The following RAB10 variants were observed in gnomAD, a reference collection of about 807,000 sequenced individuals.
RAB10 encodes RAB10, member RAS oncogene family, also known as ras-related protein Rab-10.
Under a neutral mutation model 25.7 loss-of-function variants are expected in RAB10, and 5 were observed. That is an observed-to-expected ratio of 0.19 (90% CI 0.10 to 0.41). RAB10 has a LOEUF of 0.41. Among genes scored for constraint, RAB10 ranks in the 10% least tolerant of loss-of-function variants. RAB10 has a pLI of 1.00. For missense variants in RAB10, 103 were observed against 245.8 expected, an observed-to-expected ratio of 0.42 and a Z score of 3.89; for synonymous variants, 89 against 86.4, an observed-to-expected ratio of 1.03 and a Z score of -0.16.
intron 1 of RAB10, among the ~76,000 whole-genome samples, chr2:26,055,903 CT>C (rs35228750): frequency 6.1e-5 from 9 of 148,204 alleles, no homozygotes; most frequent in Non-Finnish European, 3.0e-5. Flanking sequence ...ACTTTTTTTT[CT>C]TTTTTTTTTG....
chr2:26,054,343 C>T (rs927439483), intron 1 of RAB10, among the ~76,000 whole-genome samples: 11 of 151,994 alleles, frequency 7.2e-5, no homozygotes, highest in Non-Finnish European at 1.3e-4. Context: ...CTTGAGCCAC[C>T]GCGCCCGGCC....
At chr2:26,118,576 A>G (rs911245358) in intron 3 of RAB10, among the ~76,000 whole-genome samples, 4 of 152,176 alleles carry the variant, frequency 2.6e-5, no homozygotes, top group African/African-American at 7.2e-5. Flanking sequence ...ACATCCTTTT[A>G]AAGTATTTGT....
intron 1 of RAB10, among the ~76,000 whole-genome samples, chr2:26,043,404 C>T (rs1665932598): frequency 6.6e-6 from 1 of 152,120 alleles, no homozygotes; most frequent in Non-Finnish European, 1.5e-5. Flanking sequence ...GCCTGGATGA[C>T]AGAGCAAGAC....
At chr2:26,053,892 G>A (rs2149264939) in intron 1 of RAB10, among the ~76,000 whole-genome samples, 1 of 149,948 alleles carries the variant, frequency 6.7e-6, no homozygotes, top group South Asian at 2.1e-4. Context: ...GCTAATTTTT[G>A]TATTTTTAGT....
intron 1 of RAB10, among the ~76,000 whole-genome samples, chr2:26,055,908 T>TC (rs1666253473): frequency 6.6e-6 from 1 of 151,930 alleles, no homozygotes; most frequent in African/African-American, 2.4e-5. Context: ...TTTTTCTTTT[T>TC]TTTTTGAGAC....
chr2:26,046,734 A>C (rs1012054149), intron 1 of RAB10, among the ~76,000 whole-genome samples: 1 of 152,152 alleles, frequency 6.6e-6, no homozygotes, highest in African/African-American at 2.4e-5. Flanking sequence ...GCTGTGTTTC[A>C]CATACGACCC....
In RAB10 at chr2:26,113,181, C is replaced by A. The variant is rs555144267; in HGVS notation, c.327+3275C>A. ...TACCCAGGAATGCAAGGGTCAGAAC[C>A]TGTCAATGTAATACACCATATTAAT... On this transcript the variant is annotated intron_variant, in intron 3 of 5. Transcript: ENST00000264710. Among the ~76,000 whole-genome samples, 14 of 152,320 alleles carry A rather than the reference C, an allele frequency of 9.2e-5. No individual in the cohort carries two copies. In the South Asian group the frequency reaches 2.7e-3, roughly 29 times the overall value.
At chr2:26,098,225 A>G (rs999127021) in intron 1 of RAB10, among the ~76,000 whole-genome samples, 2 of 143,104 alleles carry the variant, frequency 1.4e-5, no homozygotes, top group African/African-American at 2.6e-5. Flanking sequence ...GGTTCAAGGG[A>G]TTCTTCCACC....
At chr2:26,113,743 T>TAAAAAAAAAAAAAAAA (rs56063928) in intron 3 of RAB10, among the ~76,000 whole-genome samples, 1 of 125,614 alleles carries the variant, frequency 8.0e-6, no homozygotes. Context: ...CAGCCAGAGC[T>TAAAAAAAAAAAAAAAA]AAAAAAAAAA....
At chr2:26,046,487 ATTC>A (rs1328287689) in intron 1 of RAB10, among the ~76,000 whole-genome samples, 5 of 152,188 alleles carry the variant, frequency 3.3e-5, no homozygotes, top group Non-Finnish European at 5.9e-5. Context: ...CTTGATGTTT[ATTC>A]TTCTTTCCAG....
At chr2:26,057,085 G>C (rs1050558443) in intron 1 of RAB10, among the ~76,000 whole-genome samples, 1 of 152,246 alleles carries the variant, frequency 6.6e-6, no homozygotes, top group African/African-American at 2.4e-5. Context: ...GAATATGCAA[G>C]AAGGAGCAGA....
intron 1 of RAB10, among the ~76,000 whole-genome samples, chr2:26,088,346 C>T: frequency 6.6e-6 from 1 of 152,038 alleles, no homozygotes; most frequent in East Asian, 1.9e-4. Context: ...GAGCTGGGCC[C>T]TAGGAATCTG....
chr2:26,137,296 T>A lies in RAB10; in HGVS notation c.*2275T>A, dbSNP rs1009545951. 5.9e-5 allele frequency: 9 copies of A among 152,692 alleles called. No homozygotes were observed. Among genetic ancestry groups the A allele is most frequent in the Non-Finnish European group, 1.3e-4 (9 of 68,048 alleles). 9.5% of individuals were successfully genotyped at this position (152,692 alleles called of 1,614,324 possible). A position where few individuals can be genotyped will look rare whatever the true frequency, so the allele number is the denominator to read the frequency against. On this transcript the variant is annotated 3_prime_UTR_variant, in exon 6 of 6. Transcript: ENST00000264710. ...CCCCTTTTCTGTAAGTCTCTTGGGA[T>A]CCTGTGTAGAAGCTGTTCTCATTAA...
intron 5 of RAB10, among the ~76,000 whole-genome samples, chr2:26,133,723 G>A (rs1668051998): frequency 6.6e-6 from 1 of 151,828 alleles, no homozygotes; most frequent in South Asian, 2.1e-4. Flanking sequence ...GCCCAGGCTG[G>A]AGTGCTGTGG....
At chr2:26,105,243 A>G (rs556190146) in intron 2 of RAB10, among the ~76,000 whole-genome samples, 2 of 152,318 alleles carry the variant, frequency 1.3e-5, no homozygotes, top group East Asian at 1.9e-4. Flanking sequence ...ACGGCAGTCC[A>G]TCATCTCTGA....
intron 2 of RAB10, among the ~76,000 whole-genome samples, chr2:26,108,514 A>T (rs1667510091): frequency 6.6e-6 from 1 of 152,174 alleles, no homozygotes; most frequent in Non-Finnish European, 1.5e-5. Context: ...GGGAGTAAAG[A>T]GGTGATGTAA....
chr2:26,035,655 C>G (rs1665749378), intron 1 of RAB10, among the ~76,000 whole-genome samples: 1 of 152,128 alleles, frequency 6.6e-6, no homozygotes, highest in South Asian at 2.1e-4. Flanking sequence ...TTGTGAAACC[C>G]ATCCGCTCCG....
At chr2:26,038,252 A>G (rs1355374813) in intron 1 of RAB10, among the ~76,000 whole-genome samples, 3 of 145,808 alleles carry the variant, frequency 2.1e-5, no homozygotes, top group Non-Finnish European at 4.5e-5. Context: ...GCTGGAGTGT[A>G]GTGGCACAAT....
intron 1 of RAB10, among the ~76,000 whole-genome samples, chr2:26,040,800 T>C (rs1665867351): frequency 6.6e-6 from 1 of 152,222 alleles, no homozygotes; most frequent in South Asian, 2.1e-4. Context: ...CTATGGTTTT[T>C]TGAAGAAATA....
Sources: allele counts gnomAD v4.1 joint callset (sites outside exome capture counted in the v4.1 genomes callset), GRCh38; gene constraint gnomAD v4.1.1; transcripts MANE v1.5; gene names NCBI Gene and HGNC (gene_info 2026-07-23, HGNC 2026-07-21).